The following FANCB variants were observed in gnomAD, a reference collection of about 807,000 sequenced individuals.
The protein encoded by FANCB is FA complementation group B, also known as Fanconi anemia group B protein.
A neutral mutation model predicts 38.9 loss-of-function variants in FANCB; 5 were observed. The observed-to-expected ratio is 0.13, with a 90% CI of 0.07 to 0.27. The LOEUF (loss-of-function observed/expected upper bound fraction) is 0.27, where lower values mean the gene tolerates loss of function less well. Among genes scored for constraint, FANCB ranks in the 10% least tolerant of loss-of-function variants. The probability of loss-of-function intolerance (pLI) is 1.00; values close to 1 mark genes in which losing one functional copy is unlikely to be tolerated. For missense variants in FANCB, 573 were observed against 602.7 expected (o/e 0.95, Z 0.52); for synonymous variants, 236 against 215.4 (o/e 1.10, Z -0.84).
At chrX:14,694,948 C>T in the FANCB span, among the ~76,000 whole-genome samples, 1 of 111,829 alleles carries the variant, frequency 8.9e-6, no homozygotes. Context: ...TTGTGACAAG[C>T]GCAGATTTGG....
chrX:14,848,624 A>AT (rs1431605150), intron 7 of FANCB, among the ~76,000 whole-genome samples: 1 of 111,986 alleles, frequency 8.9e-6, no homozygotes, highest in Non-Finnish European at 1.9e-5. Context: ...ATCATAGGTT[A>AT]TCGAAAGATT....
chrX:14,742,771 C>T, the FANCB span, among the ~76,000 whole-genome samples: 1 of 112,383 alleles, frequency 8.9e-6, no homozygotes, highest in Admixed American at 9.4e-5. Context: ...TCTGGACAAA[C>T]TTCTTTAGCA....
the FANCB span, among the ~76,000 whole-genome samples, chrX:14,794,762 A>G: frequency 2.7e-5 from 3 of 112,204 alleles, no homozygotes; most frequent in Non-Finnish European, 5.6e-5. Flanking sequence ...AGGTGGGCTC[A>G]TCCAGAAAAA....
chrX:14,701,239 C>T, the FANCB span, among the ~76,000 whole-genome samples: 1 of 110,701 alleles, frequency 9.0e-6, no homozygotes, highest in East Asian at 2.8e-4. Context: ...GTCCATCGGA[C>T]GTAGGGGAAA....
At chrX:14,773,776 T>C in the FANCB span, among the ~76,000 whole-genome samples, 1 of 112,178 alleles carries the variant, frequency 8.9e-6, no homozygotes, top group South Asian at 3.7e-4. Flanking sequence ...GCACTCTGTA[T>C]GTGTCCACTT....
the FANCB span, among the ~76,000 whole-genome samples, chrX:14,708,156 C>G: frequency 5.4e-5 from 6 of 111,608 alleles, no homozygotes; most frequent in African/African-American, 2.0e-4. Context: ...TATCCCTTGA[C>G]CAACATCTTC....
At chrX:14,816,711 T>C in the FANCB span, among the ~76,000 whole-genome samples, 1 of 112,170 alleles carries the variant, frequency 8.9e-6, no homozygotes, top group African/African-American at 3.2e-5. Context: ...AGTGAGAACA[T>C]TAATTCTGAT....
Position 14,845,174 on chromosome X carries a change from C to T in FANCB, c.1609G>A (p.Ala537Thr), listed in dbSNP as rs1395020864. ...VIKLSTNPFP[A>T]PYLMPCEIGL... The stretch of plus-strand genomic sequence containing the variant: ...ATTTCACATGGCATCAAGTATGGTG[C>T]TGGGAAAGGATTTGTACTCAACTTA... The change falls in exon 8 of 10, where the codon GCA becomes ACA. Residue 537 changes from alanine to threonine, a missense_variant. Physicochemically the swap from Ala to Thr is moderately conservative, Grantham distance 58. Coordinates refer to ENST00000650831, the MANE Select transcript of FANCB (RefSeq NM_001018113.3). 1 of 1,210,378 alleles carries T rather than the reference C, an allele frequency of 8.3e-7. No individual in the cohort carries two copies. The highest frequency in any genetic ancestry group is 1.1e-6 in the Non-Finnish European group (1 of 894,520).
chrX:14,861,130 T>TACCTTGGCCTCCC (rs1343632348), intron 3 of FANCB, among the ~76,000 whole-genome samples: 2 of 111,407 alleles, frequency 1.8e-5, no homozygotes, highest in Non-Finnish European at 3.8e-5. Context: ...GCAATTCTCC[T>TACCTTGGCCTCCC]ACCTTGGCCT....
the FANCB span, among the ~76,000 whole-genome samples, chrX:14,699,128 G>A: frequency 4.5e-5 from 5 of 112,128 alleles, no homozygotes. Context: ...AGAAGCTGAT[G>A]CCCCAGGTCT....
At position 14,844,202 on chromosome X, in the gene FANCB, A is replaced by AT. The variant is rs200226322; in HGVS notation, c.2166-222dup. Among the ~76,000 whole-genome samples, 3,531 of 111,024 alleles carry AT rather than the reference A, an allele frequency of 0.032. 64 individuals are homozygous for AT. The highest frequency in any genetic ancestry group is 0.05 in the Non-Finnish European group (2,657 of 52,817). ...ATTAATCAGATTGTTTCCAATTAAA[A>AT]TTTTTTTTGCTGAGTAATAAGGTCA... On this transcript the variant is annotated intron_variant, in intron 9 of 9. Transcript: ENST00000650831.
chrX:14,774,487 T>C, the FANCB span, among the ~76,000 whole-genome samples: 1 of 111,803 alleles, frequency 8.9e-6, no homozygotes, highest in Non-Finnish European at 1.9e-5. Flanking sequence ...ATAGGGACAA[T>C]TGGGTAGCCT....
chrX:14,788,481 C>A, the FANCB span, among the ~76,000 whole-genome samples: 2 of 111,268 alleles, frequency 1.8e-5, no homozygotes, highest in African/African-American at 6.5e-5. Context: ...TGTCCTGATA[C>A]CGACTGATGG....
the FANCB span, among the ~76,000 whole-genome samples, chrX:14,694,501 C>T: frequency 1.8e-5 from 2 of 111,908 alleles, no homozygotes; most frequent in African/African-American, 6.5e-5. Context: ...TGATTGGAAT[C>T]CACTAGTTAG....
chrX:14,797,524 A>G, the FANCB span, among the ~76,000 whole-genome samples: 1 of 110,323 alleles, frequency 9.1e-6, no homozygotes, highest in Non-Finnish European at 1.9e-5. Context: ...TCTACTAAAA[A>G]TATAAAAATT....
At chrX:14,861,212 C>A (rs1214027749) in intron 3 of FANCB, among the ~76,000 whole-genome samples, 1 of 111,564 alleles carries the variant, frequency 9.0e-6, no homozygotes, top group African/African-American at 3.3e-5. Context: ...ATGCCTGCCA[C>A]ATAGATTCTT....
At chrX:14,802,628 G>T in the FANCB span, among the ~76,000 whole-genome samples, 1 of 111,648 alleles carries the variant, frequency 9.0e-6, no homozygotes, top group African/African-American at 3.3e-5. Context: ...GAGATATGGT[G>T]GGGACCTAAG....
At chrX:14,746,557 G>A in the FANCB span, among the ~76,000 whole-genome samples, 4 of 112,238 alleles carry the variant, frequency 3.6e-5, no homozygotes, top group South Asian at 1.5e-3. Context: ...TCCATCTACT[G>A]ATGAACATCA....
the FANCB span, among the ~76,000 whole-genome samples, chrX:14,716,398 C>G: frequency 8.9e-6 from 1 of 111,799 alleles, no homozygotes; most frequent in Non-Finnish European, 1.9e-5. Flanking sequence ...GTGATTTCCT[C>G]TGTTCCTCTG....
Sources: allele counts gnomAD v4.1 joint callset (sites outside exome capture counted in the v4.1 genomes callset), GRCh38; gene constraint gnomAD v4.1.1; transcripts MANE v1.5; gene names NCBI Gene and HGNC (gene_info 2026-07-23, HGNC 2026-07-21).